RYK: variants seen among roughly 807,000 people sequenced by gnomAD.
RYK encodes the protein receptor like tyrosine kinase, also known as inactive tyrosine-protein kinase RYK.
RYK carries 21 observed loss-of-function variants against 70.2 expected under a neutral mutation model. The ratio of observed to expected loss-of-function variants is 0.30; its 90% CI spans 0.21 to 0.43. The LOEUF is 0.43. Among genes scored for constraint, RYK ranks in the 20% least tolerant of loss-of-function variants. The pLI, the probability that RYK is intolerant of heterozygous loss-of-function variation, is 1.00. For synonymous variants in RYK, 267 were observed against 278.0 expected (o/e 0.96, Z 0.39); for missense variants, 604 against 753.3 (o/e 0.80, Z 2.32).
chr3:134,230,235 TGCCACCAC>T (rs1163415341), intron 1 of RYK, among the ~76,000 whole-genome samples: 2 of 152,106 alleles, frequency 1.3e-5, no homozygotes, highest in African/African-American at 4.8e-5. Flanking sequence ...TATGGGCACC[TGCCACCAC>T]GCCCGGCTAA....
At chr3:134,176,570 C>A (rs2013105265) in intron 11 of RYK, among the ~76,000 whole-genome samples, 1 of 150,850 alleles carries the variant, frequency 6.6e-6, no homozygotes. Context: ...GAGGCCCTGT[C>A]TCTACACAAA....
chr3:134,159,267 A>G lies in RYK; in HGVS notation c.1682T>C (p.Ile561Thr). 1 of 1,613,924 alleles carries G rather than the reference A, an allele frequency of 6.2e-7. No homozygotes were observed. Among genetic ancestry groups the G allele is most frequent in the African/African-American group, 1.3e-5 (1 of 75,034 alleles). ...MAAYLKDGYR[I>T]AQPINCPDEL... ...ATCAGGACAGTTGATTGGCTGGGCT[A>G]TTCGGTAACCATCTTTCAGGTATGC... The change falls in exon 14 of 15, where the codon ATA becomes ACA. Residue 561 changes from isoleucine to threonine, a missense_variant. Physicochemically the swap from Ile to Thr is moderately conservative, Grantham distance 89. This residue lies in a region of RYK where 138 missense variants were observed against 217.4 expected (regional missense o/e 0.63). Transcript: ENST00000623711.
At chr3:134,192,015 C>T in intron 7 of RYK, 41 bp from the exon 8 acceptor site, 2 of 1,599,590 alleles carry the variant, frequency 1.3e-6, no homozygotes, top group Non-Finnish European at 8.5e-7. Flanking sequence ...TATAAATACC[C>T]TTATTATGGT....
chr3:134,199,109 C>T (rs769871460), intron 6 of RYK, among the ~76,000 whole-genome samples: 1 of 152,124 alleles, frequency 6.6e-6, no homozygotes, highest in Non-Finnish European at 1.5e-5. Flanking sequence ...ACTCATCAGG[C>T]GTAACAAAGA....
At chr3:134,228,452 C>T (rs116566283) in intron 1 of RYK, among the ~76,000 whole-genome samples, 5 of 152,182 alleles carry the variant, frequency 3.3e-5, no homozygotes, top group African/African-American at 1.2e-4. Context: ...AACTGTCCAA[C>T]AAGGAATGAA....
intron 13 of RYK, among the ~76,000 whole-genome samples, chr3:134,168,697 CA>C (rs1218790678): frequency 2.0e-5 from 3 of 151,816 alleles, no homozygotes; most frequent in African/African-American, 7.3e-5. Flanking sequence ...TGCAGCACAC[CA>C]ACATGGCACA....
chr3:134,202,618 TTAA>T (rs2107674898), intron 6 of RYK, 109 bp downstream of exon 6: 3 of 811,814 alleles, frequency 3.7e-6, no homozygotes, highest in East Asian at 6.0e-5. Flanking sequence ...TGGCTGGGGC[TTAA>T]TCATCCTCCC....
At chr3:134,189,780 T>C (rs1384284439) in intron 8 of RYK, among the ~76,000 whole-genome samples, 4 of 148,572 alleles carry the variant, frequency 2.7e-5, no homozygotes, top group African/African-American at 7.5e-5. Flanking sequence ...AAAACTCTTA[T>C]AGTAATAAGA....
At chr3:134,249,614 T>C (rs1429056106) in intron 1 of RYK, among the ~76,000 whole-genome samples, 1 of 152,138 alleles carries the variant, frequency 6.6e-6, no homozygotes, top group Non-Finnish European at 1.5e-5. Flanking sequence ...TTCAAATTAA[T>C]TCCCCAAACA....
At chr3:134,158,307 A>G in intron 14 of RYK, 43 bp from the exon 15 acceptor site, 2 of 1,303,768 alleles carry the variant, frequency 1.5e-6, no homozygotes, top group Non-Finnish European at 1.1e-6. Flanking sequence ...GTAAGGATAC[A>G]GTATTCATAA....
At chr3:134,190,546 AAACT>A (rs1225167196) in intron 8 of RYK, among the ~76,000 whole-genome samples, 6 of 152,168 alleles carry the variant, frequency 3.9e-5, no homozygotes, top group South Asian at 4.2e-4. Flanking sequence ...ACTTTTTCAC[AAACT>A]AACGTAAAAA....
chr3:134,201,138 A>T (rs2014001945), intron 6 of RYK, among the ~76,000 whole-genome samples: 1 of 152,206 alleles, frequency 6.6e-6, no homozygotes, highest in African/African-American at 2.4e-5. Flanking sequence ...TGTTCCCTCA[A>T]TCGCTTCCAA....
At chr3:134,189,740 C>CAAAAAAAAAAAAAAAAAAAAAAA (rs57016937) in intron 8 of RYK, among the ~76,000 whole-genome samples, 1 of 92,668 alleles carries the variant, frequency 1.1e-5, no homozygotes, top group Non-Finnish European at 2.1e-5. Context: ...GAGACTCCGC[C>CAAAAAAAAAAAAAAAAAAAAAAA]AAAAAAAAAA....
At chr3:134,168,257 C>A (rs2012758791) in intron 13 of RYK, among the ~76,000 whole-genome samples, 1 of 152,138 alleles carries the variant, frequency 6.6e-6, no homozygotes, top group African/African-American at 2.4e-5. Context: ...TTGACCCAGC[C>A]ATCCCATTAC....
At chr3:134,193,500 A>G (rs1187498243) in intron 7 of RYK, among the ~76,000 whole-genome samples, 1 of 152,160 alleles carries the variant, frequency 6.6e-6, no homozygotes, top group Middle Eastern at 3.2e-3. Context: ...CTTTTTTAAG[A>G]AAGTATTTTA....
chr3:134,196,985 T>C (rs1424426938), intron 6 of RYK, among the ~76,000 whole-genome samples: 1 of 152,232 alleles, frequency 6.6e-6, no homozygotes, highest in Non-Finnish European at 1.5e-5. Flanking sequence ...AGGTTATCTA[T>C]TAGATTGGTG....
intron 5 of RYK, 104 bp from the exon 6 acceptor site, chr3:134,202,978 T>C: frequency 1.1e-6 from 1 of 886,968 alleles, no homozygotes; most frequent in African/African-American, 1.7e-5. Context: ...GTGCCCATTC[T>C]TTGTAAGATC....
rs895330953 is a variant in RYK, at chr3:134,161,033, A to G, written c.1576-1660T>C. Among the ~76,000 whole-genome samples the G allele has an allele frequency of 2.6e-5, 4 of 152,338 alleles. No individual in the cohort carries two copies. The South Asian group carries it at 8.3e-4, about 32-fold the overall frequency. The stretch of plus-strand genomic sequence containing the variant: ...TTCATGTGGAAAGAAAATATACCAC[A>G]TGGAAATCTGAGTCAACACAAAGAA... On this transcript the variant is annotated intron_variant, in intron 13 of 14. Transcript: ENST00000623711.
intron 1 of RYK, 55 bp downstream of exon 1, chr3:134,250,368 G>T: frequency 8.4e-7 from 1 of 1,183,922 alleles, no homozygotes; most frequent in Non-Finnish European, 1.1e-6. Context: ...CCGGCGGCCG[G>T]AAGCTGCCCC....
Sources: allele counts gnomAD v4.1 joint callset (sites outside exome capture counted in the v4.1 genomes callset), GRCh38; gene constraint gnomAD v4.1.1; regional missense constraint gnomAD v4.1.1; transcripts MANE v1.5; gene names NCBI Gene and HGNC (gene_info 2026-07-23, HGNC 2026-07-21).